TUSC3: variants seen among roughly 807,000 people sequenced by gnomAD.
TUSC3 encodes the protein dolichyl-diphosphooligosaccharide--protein glycosyltransferase subunit TUSC3.
In TUSC3, 45 loss-of-function variants were observed where a neutral mutation model predicts 44.8. That is an observed-to-expected ratio of 1.00 (90% CI 0.79 to 1.29). The LOEUF is 1.29. Ranked by LOEUF, TUSC3 falls within the 50% of genes most tolerant of loss-of-function variation. The probability of loss-of-function intolerance (pLI) is 0.00; values close to 1 mark genes in which losing one functional copy is unlikely to be tolerated. For synonymous variants in TUSC3, 212 were observed against 152.9 expected, an observed-to-expected ratio of 1.39 and a Z score of -2.85; for missense variants, 519 against 437.9, an observed-to-expected ratio of 1.19 and a Z score of -1.65.
chr8:15,560,203 T>C (rs2129139654), intron 1 of TUSC3, among the ~76,000 whole-genome samples: 1 of 146,918 alleles, frequency 6.8e-6, no homozygotes, highest in Non-Finnish European at 1.5e-5. Context: ...GGCCTGGTGG[T>C]GACAAAATCT....
At chr8:15,552,920 T>C (rs962063144) in intron 1 of TUSC3, among the ~76,000 whole-genome samples, 11 of 151,636 alleles carry the variant, frequency 7.3e-5, no homozygotes, top group African/African-American at 2.7e-4. Context: ...TGAAATTAGT[T>C]GTGGCAGTGA....
At chr8:15,643,510 A>G (rs1395712549) in intron 2 of TUSC3, among the ~76,000 whole-genome samples, 2 of 152,008 alleles carry the variant, frequency 1.3e-5, no homozygotes, top group Non-Finnish European at 2.9e-5. Flanking sequence ...ATGTTCATAT[A>G]CAGTTTTGCT....
At chr8:15,590,087 AT>A (rs1352828630) in intron 1 of TUSC3, among the ~76,000 whole-genome samples, 1 of 152,166 alleles carries the variant, frequency 6.6e-6, no homozygotes, top group Non-Finnish European at 1.5e-5. Flanking sequence ...CTGACTTAGT[AT>A]TTAGGAGGTC....
At chr8:15,539,412 G>C (rs1801596634), upstream of TUSC3, among the ~76,000 whole-genome samples, 1 of 139,284 alleles carries the variant, frequency 7.2e-6, no homozygotes, top group South Asian at 2.3e-4. Flanking sequence ...GAGTGCAGTG[G>C]AGTGATCTCG....
the TUSC3 span, among the ~76,000 whole-genome samples, chr8:15,780,620 A>C: frequency 6.6e-6 from 1 of 152,118 alleles, no homozygotes; most frequent in African/African-American, 2.4e-5. Context: ...TGCATCAGAG[A>C]GCTAATGTGG....
At chr8:15,781,610 A>T in the TUSC3 span, among the ~76,000 whole-genome samples, 2 of 152,166 alleles carry the variant, frequency 1.3e-5, no homozygotes. Flanking sequence ...AAGAAAATGG[A>T]ATCAGAATAG....
intron 6 of TUSC3, among the ~76,000 whole-genome samples, chr8:15,708,693 G>A (rs535796886): frequency 2.0e-5 from 3 of 151,924 alleles, no homozygotes; most frequent in South Asian, 4.2e-4. Context: ...GTCAATCAAC[G>A]TTTATTTAAT....
intron 1 of TUSC3, among the ~76,000 whole-genome samples, chr8:15,550,507 T>G (rs1038153732): frequency 6.6e-6 from 1 of 151,688 alleles, no homozygotes; most frequent in African/African-American, 2.4e-5. Flanking sequence ...TACCAGAGTT[T>G]GTGTTATTGT....
chr8:15,434,074 A>G (rs1364883607), intron 1 of TUSC3, among the ~76,000 whole-genome samples: 1 of 152,210 alleles, frequency 6.6e-6, no homozygotes, highest in East Asian at 1.9e-4. Flanking sequence ...TAGTCTCAAT[A>G]GCAACGTGAG....
At chr8:15,611,886 CA>C (rs1451702646) in intron 1 of TUSC3, among the ~76,000 whole-genome samples, 1 of 152,140 alleles carries the variant, frequency 6.6e-6, no homozygotes, top group African/African-American at 2.4e-5. Flanking sequence ...GAATTTCCAA[CA>C]TGGAAGATAA....
At chr8:15,823,138 G>C in the TUSC3 span, among the ~76,000 whole-genome samples, 1 of 152,082 alleles carries the variant, frequency 6.6e-6, no homozygotes, top group Admixed American at 6.6e-5. Context: ...TATGGTATCA[G>C]TCTTTTAAAA....
chr8:15,825,283 C>T, the TUSC3 span, among the ~76,000 whole-genome samples: 1 of 152,112 alleles, frequency 6.6e-6, no homozygotes, highest in African/African-American at 2.4e-5. Context: ...AAGAGGTTTA[C>T]TGGACTTACA....
chr8:15,794,266 T>C, the TUSC3 span, among the ~76,000 whole-genome samples: 2 of 152,142 alleles, frequency 1.3e-5, no homozygotes, highest in African/African-American at 2.4e-5. Context: ...CCAGCTTTTT[T>C]TGAGGATAAG....
intron 1 of TUSC3, among the ~76,000 whole-genome samples, chr8:15,580,620 T>G (rs1248715843): frequency 5.1e-4 from 51 of 99,994 alleles, no homozygotes; most frequent in African/African-American, 1.5e-3. Flanking sequence ...GAAAATTCTT[T>G]TCTTTAAGAA....
intron 1 of TUSC3, among the ~76,000 whole-genome samples, chr8:15,585,817 C>T (rs936898775): frequency 3.9e-5 from 6 of 152,248 alleles, no homozygotes; most frequent in Non-Finnish European, 5.9e-5. Flanking sequence ...AAAGATTCAA[C>T]GGAGGACCCA....
intron 1 of TUSC3, among the ~76,000 whole-genome samples, chr8:15,572,003 C>A (rs191076741): frequency 2.6e-5 from 4 of 152,230 alleles, no homozygotes; most frequent in South Asian, 2.1e-4. Context: ...AGCTTAATTG[C>A]GCTGGACCTT....
intron 7 of TUSC3, among the ~76,000 whole-genome samples, chr8:15,742,806 A>G (rs1811251313): frequency 6.6e-6 from 1 of 152,240 alleles, no homozygotes; most frequent in Admixed American, 6.5e-5. Flanking sequence ...AGAGTCGACA[A>G]TGTGAAAAAT....
intron 7 of TUSC3, among the ~76,000 whole-genome samples, chr8:15,742,881 C>T (rs1415467641): frequency 6.6e-6 from 1 of 152,154 alleles, no homozygotes; most frequent in Admixed American, 6.5e-5. Flanking sequence ...TTAATTCTGG[C>T]ATTATTCAAC....
intron 6 of TUSC3, among the ~76,000 whole-genome samples, chr8:15,707,433 T>C (rs1809662343): frequency 6.6e-6 from 1 of 151,976 alleles, no homozygotes; most frequent in Non-Finnish European, 1.5e-5. Flanking sequence ...ATATTTTTTA[T>C]GTTTTAGCAA....
Sources: allele counts gnomAD v4.1 joint callset (sites outside exome capture counted in the v4.1 genomes callset), GRCh38; gene constraint gnomAD v4.1.1; transcripts MANE v1.5; gene names NCBI Gene and HGNC (gene_info 2026-07-23, HGNC 2026-07-21).